The following LRSAM1 variants were observed in gnomAD, a reference collection of about 807,000 sequenced individuals.
LRSAM1 encodes leucine rich repeat and sterile alpha motif containing 1.
LRSAM1 carries 96 observed loss-of-function variants against 118.1 expected under a neutral mutation model. The observed-to-expected ratio is 0.81, with a 90% confidence interval of 0.69 to 0.96. The LOEUF (loss-of-function observed/expected upper bound fraction) is 0.96. Ranked by LOEUF, LRSAM1 falls within the 40% of genes least tolerant of loss-of-function variation. The pLI is 0.00. For synonymous variants in LRSAM1, 322 were observed against 364.2 expected, an observed-to-expected ratio of 0.88 and a Z score of 1.32; for missense variants, 804 against 915.5, an observed-to-expected ratio of 0.88 and a Z score of 1.57.
At chr9:127,452,873 C>A (rs1834375615) in intron 2 of LRSAM1, among the ~76,000 whole-genome samples, 1 of 152,186 alleles carries the variant, frequency 6.6e-6, no homozygotes, top group African/African-American at 2.4e-5. Context: ...CTGGTATTTA[C>A]AGACACTGTG....
chr9:127,500,520 G>T (rs918877650), intron 24 of LRSAM1, among the ~76,000 whole-genome samples: 4 of 152,132 alleles, frequency 2.6e-5, no homozygotes, highest in African/African-American at 4.8e-5. Context: ...TGCTCCCCTG[G>T]GTCACCTGAT....
rs760944483 is a variant in LRSAM1, at chr9:127,454,547, A to AGCGGAAACCCAGTGAGGAGGC, written c.21_41dup (p.Pro10_Lys16dup). 5.8e-5 allele frequency: 93 copies of AGCGGAAACCCAGTGAGGAGGC among 1,614,088 alleles called. No homozygotes were observed. The African/African-American group carries it at 1.1e-3, about 18-fold the overall frequency. ...GGAAGGATGCCGCTCTTCTTCCGGAAGCGGAAACCCAGTGAGGAGGCTCGG... is the reference window on the plus strand; with the variant it reads ...GGAAGGATGCCGCTCTTCTTCCGGAAGCGGAAACCCAGTGAGGAGGCGCGGAAACCCAGTGAGGAGGCTCGG... On this transcript the variant is annotated inframe_insertion, in exon 3 of 26. Coordinates refer to ENST00000300417, the MANE Select transcript of LRSAM1 (RefSeq NM_001005373.4).
At chr9:127,460,764 C>T (rs1026421552) in intron 7 of LRSAM1, among the ~76,000 whole-genome samples, 1 of 151,648 alleles carries the variant, frequency 6.6e-6, no homozygotes, top group Non-Finnish European at 1.5e-5. Flanking sequence ...TGCCTGGGTG[C>T]CCTGGCCCGG....
At chr9:127,460,296 C>T (rs1378753410) in intron 7 of LRSAM1, among the ~76,000 whole-genome samples, 2 of 152,184 alleles carry the variant, frequency 1.3e-5, no homozygotes, top group African/African-American at 4.8e-5. Flanking sequence ...CCGTGCCTGG[C>T]CCCCATTGCA....
chr9:127,458,907 G>A (rs1332780675), intron 6 of LRSAM1, 96 bp from the exon 7 acceptor site: 5 of 1,126,140 alleles, frequency 4.4e-6, no homozygotes, highest in Admixed American at 1.7e-5. Flanking sequence ...TCTGCACTGG[G>A]GGTGTGAGGT....
intron 11 of LRSAM1, among the ~76,000 whole-genome samples, chr9:127,476,171 GC>G (rs1213002713): frequency 6.6e-6 from 1 of 152,160 alleles, no homozygotes. Flanking sequence ...AGTATTGGAT[GC>G]CCCCCAAATG....
Position 127,479,984 on chromosome 9 carries a change from G to T in LRSAM1, c.1043+6G>T. On this transcript the variant is annotated splice_donor_region_variant and intron_variant, in intron 14 of 25. Transcript: ENST00000300417. ...CTGCTGCAGGACAATCAGAGGTTGGGCTCTGCTCCTCGGCCCCAGCCCCAG... is the reference window on the plus strand; with the variant it reads ...CTGCTGCAGGACAATCAGAGGTTGGTCTCTGCTCCTCGGCCCCAGCCCCAG... 1 of 1,614,182 alleles carries T rather than the reference G, an allele frequency of 6.2e-7. No homozygotes were observed. Among genetic ancestry groups the T allele is most frequent in the Non-Finnish European group, 8.5e-7 (1 of 1,180,034 alleles).
intron 7 of LRSAM1, among the ~76,000 whole-genome samples, chr9:127,460,114 C>T (rs1182981952): frequency 6.6e-6 from 1 of 152,092 alleles, no homozygotes; most frequent in Non-Finnish European, 1.5e-5. Flanking sequence ...ATTCCCCTGC[C>T]TCAGCCTCCT....
chr9:127,497,527 C>T (rs1169921727), intron 24 of LRSAM1, among the ~76,000 whole-genome samples, 193 bp downstream of exon 24: 1 of 152,188 alleles, frequency 6.6e-6, no homozygotes, highest in Non-Finnish European at 1.5e-5. Flanking sequence ...GAAAAATGGG[C>T]CACCAAATTG....
At chr9:127,495,731 T>C (rs546745267) in intron 22 of LRSAM1, among the ~76,000 whole-genome samples, 27 of 152,192 alleles carry the variant, frequency 1.8e-4, no homozygotes, top group Non-Finnish European at 3.2e-4. Flanking sequence ...AACAGCCCCC[T>C]CTTGGTGGAT....
chr9:127,459,238 G>T (rs1834646000), intron 7 of LRSAM1, among the ~76,000 whole-genome samples, 167 bp downstream of exon 7: 1 of 148,428 alleles, frequency 6.7e-6, no homozygotes, highest in African/African-American at 2.5e-5. Flanking sequence ...TTTTTTTGAG[G>T]CAGTGCCTCA....
chr9:127,473,043 A>ATTT (rs931057284), intron 10 of LRSAM1, among the ~76,000 whole-genome samples: 1 of 152,178 alleles, frequency 6.6e-6, no homozygotes, highest in Non-Finnish European at 1.5e-5. Flanking sequence ...AACATGAAGT[A>ATTT]TTTTATTAAA....
chr9:127,457,191 G>A lies in LRSAM1; in HGVS notation c.175-125G>A, dbSNP rs549033948. On this transcript the variant is annotated intron_variant, in intron 5 of 25. Coordinates refer to ENST00000300417, the MANE Select transcript of LRSAM1 (RefSeq NM_001005373.4). ...GTTCATGATACTGACCCGCATCCCCGTGGTGGTGTCTGGGAGAGCAAGATG... is the reference window on the plus strand; with the variant it reads ...GTTCATGATACTGACCCGCATCCCCATGGTGGTGTCTGGGAGAGCAAGATG... 5.2e-6 allele frequency: 5 copies of A among 952,458 alleles called. No individual in the cohort carries two copies. In the East Asian group the frequency reaches 7.7e-5, roughly 15 times the overall value. The allele number at this position is 952,458 out of a possible 1,614,324, so 59.0% of individuals were successfully genotyped here.
Position 127,502,970 on chromosome 9 carries a change from C to T in LRSAM1, c.*71C>T. 6.5e-7 allele frequency: 1 copy of T among 1,544,092 alleles called. No homozygotes were observed. Reference sequence around the variant, plus strand: ...CTGTGAGCCCCGGGCTCCTGCTCAGCCTTGTGCCAGCCAGACTCGTATGAG... The same window carrying T: ...CTGTGAGCCCCGGGCTCCTGCTCAGTCTTGTGCCAGCCAGACTCGTATGAG... On this transcript the variant is annotated 3_prime_UTR_variant, in exon 26 of 26. Coordinates refer to ENST00000300417, the MANE Select transcript of LRSAM1 (RefSeq NM_001005373.4).
chr9:127,478,505 C>T (rs1005229208), intron 11 of LRSAM1, among the ~76,000 whole-genome samples: 3 of 152,214 alleles, frequency 2.0e-5, no homozygotes, highest in Non-Finnish European at 4.4e-5. Flanking sequence ...TGTTTTTGCT[C>T]TTTTGAATAA....
rs892727539 is a variant in LRSAM1 at position 127,503,485 on chromosome 9, C to T, written c.*586C>T. 3 of 156,006 alleles carry T rather than the reference C, an allele frequency of 1.9e-5. No individual in the cohort carries two copies. The highest frequency in any genetic ancestry group is 4.8e-5 in the African/African-American group (2 of 41,442). The allele number at this position is 156,006 out of a possible 1,614,324, so 9.7% of individuals were successfully genotyped here. A position where few individuals can be genotyped will look rare whatever the true frequency, so the allele number is the denominator to read the frequency against. On this transcript the variant is annotated 3_prime_UTR_variant, in exon 26 of 26. Coordinates refer to ENST00000300417, the MANE Select transcript of LRSAM1 (RefSeq NM_001005373.4). ...GATCCGAAGCAGGAGTGTCAATAAA[C>T]CTGTCTTCAGTGCGCTTCTGGCCTG...
In LRSAM1 at chr9:127,501,083, C is replaced by T. The variant is rs908727676; in HGVS notation, c.1986C>T (p.Ser662=). ...AGCCTCCTGAGTCTGTGAGGCCATC[C>T]GCTCCCCCTGCAGAGCTGGAGGTGC... is the stretch of plus-strand genomic sequence containing the variant. The part of the protein sequence containing the change: ...PQEPPESVRP[S]APPAELEVQA... The change falls in exon 25 of 26, where the codon TCC becomes TCT. Residue 662 remains serine, a synonymous_variant. Coordinates refer to ENST00000300417, the MANE Select transcript of LRSAM1 (RefSeq NM_001005373.4). The T allele has an allele frequency of 1.4e-5, 23 of 1,613,824 alleles. No individual in the cohort carries two copies. Among genetic ancestry groups the T allele is most frequent in the African/African-American group, 6.7e-5 (5 of 74,904 alleles).
intron 18 of LRSAM1, among the ~76,000 whole-genome samples, chr9:127,488,765 A>AT (rs1835823421): frequency 6.7e-6 from 1 of 148,764 alleles, no homozygotes; most frequent in Non-Finnish European, 1.5e-5. Context: ...ATTTTTTTTT[A>AT]TTTTTTGTAG....
At chr9:127,467,710 C>G (rs1409621830) in intron 9 of LRSAM1, 30 bp from the exon 10 acceptor site, 1 of 1,593,386 alleles carries the variant, frequency 6.3e-7, no homozygotes, top group African/African-American at 1.3e-5. Context: ...TGGTAGCGAA[C>G]AGTAAAGCGG....
Sources: allele counts gnomAD v4.1 joint callset (sites outside exome capture counted in the v4.1 genomes callset), GRCh38; gene constraint gnomAD v4.1.1; transcripts MANE v1.5; gene names NCBI Gene and HGNC (gene_info 2026-07-23, HGNC 2026-07-21).